Variants in CNTN6 observed in about 807,000 individuals in gnomAD.
The protein encoded by CNTN6 is contactin-6.
In CNTN6, 137 loss-of-function variants were observed where a neutral mutation model predicts 122.8. The ratio of observed to expected loss-of-function variants is 1.12; its 90% CI spans 0.97 to 1.29. The LOEUF (loss-of-function observed/expected upper bound fraction) is 1.29, where lower values mean the gene tolerates loss of function less well. Among genes scored for constraint, CNTN6 ranks in the 50% most tolerant of loss-of-function variants. CNTN6 has a pLI of 0.00. For missense variants in CNTN6, 1,634 were observed against 1,223.4 expected (o/e 1.34, Z -5.01); for synonymous variants, 570 against 426.0 (o/e 1.34, Z -4.16).
intron 2 of CNTN6, among the ~76,000 whole-genome samples, chr3:1,188,358 A>C (rs1193056104): frequency 6.6e-6 from 1 of 152,212 alleles, no homozygotes; most frequent in Non-Finnish European, 1.5e-5. Context: ...TATATTCAAA[A>C]ACATTGTACA....
At chr3:1,121,975 A>C (rs1448521623) in intron 1 of CNTN6, among the ~76,000 whole-genome samples, 2 of 151,956 alleles carry the variant, frequency 1.3e-5, no homozygotes, top group Non-Finnish European at 2.9e-5. Context: ...CAGCTATTTC[A>C]CTTTGGGCAG....
intron 1 of CNTN6, among the ~76,000 whole-genome samples, chr3:1,106,913 A>C (rs1031117755): frequency 5.3e-5 from 8 of 152,136 alleles, no homozygotes; most frequent in African/African-American, 1.7e-4. Context: ...GCGTTGAGTT[A>C]CTCAAATATT....
intron 2 of CNTN6, among the ~76,000 whole-genome samples, chr3:1,192,628 C>T (rs2125392011): frequency 6.6e-6 from 1 of 152,166 alleles, no homozygotes; most frequent in African/African-American, 2.4e-5. Flanking sequence ...ATTATTTATA[C>T]ATTGTCACAG....
At position 1,334,594 on chromosome 3, in the gene CNTN6, T is replaced by C. The variant is rs535298895; in HGVS notation, c.1364+4659T>C. On this transcript the variant is annotated intron_variant, in intron 11 of 22. Coordinates refer to ENST00000446702, the MANE Select transcript of CNTN6 (RefSeq NM_001289080.2). ...TATATGTTTTAATGATTTGCTTGGG[T>C]GACCAGGTGACTGAGCCAAACACGG... Among the ~76,000 whole-genome samples the C allele has an allele frequency of 3.9e-5, 6 of 152,168 alleles. No homozygotes were observed. The East Asian group carries it at 1.2e-3, about 29-fold the overall frequency.
In CNTN6 at chr3:1,187,428, T is replaced by A. The variant is rs181133689; in HGVS notation, c.56-33259T>A. ...TTTATTTGATCTTTTGTAGAAAACATAGCGTCTTTATGTACACAGTTATAG... is the reference window on the plus strand; with the variant it reads ...TTTATTTGATCTTTTGTAGAAAACAAAGCGTCTTTATGTACACAGTTATAG... On this transcript the variant is annotated intron_variant, in intron 2 of 22. Coordinates refer to ENST00000446702, the MANE Select transcript of CNTN6 (RefSeq NM_001289080.2). Among the ~76,000 whole-genome samples, 17 of 152,284 alleles carry A rather than the reference T, an allele frequency of 1.1e-4. No homozygotes were observed. The East Asian group carries it at 2.5e-3, about 22-fold the overall frequency.
At chr3:1,317,253 G>T (rs1298818098) in intron 7 of CNTN6, among the ~76,000 whole-genome samples, 3 of 151,392 alleles carry the variant, frequency 2.0e-5, no homozygotes, top group African/African-American at 7.3e-5. Flanking sequence ...CTTGCTGTGA[G>T]GATTCTAAAA....
intron 20 of CNTN6, among the ~76,000 whole-genome samples, chr3:1,389,064 G>C (rs376567571): frequency 1.4e-5 from 2 of 145,348 alleles, no homozygotes; most frequent in Admixed American, 6.9e-5. Context: ...TACAGAGAAC[G>C]CCACAAAGAT....
chr3:1,225,030 G>A lies in CNTN6; in HGVS notation c.183-2788G>A, dbSNP rs578255381. 6.3e-4 allele frequency among the ~76,000 whole-genome samples: 96 copies of A among 152,226 alleles called. 2 individuals carry two copies. Among genetic ancestry groups the A allele is most frequent in the South Asian group, 5.2e-3 (25 of 4,828 alleles). Reference sequence around the variant, plus strand: ...TCCAAAGTGCTGGGATTACAGGCGTGAACCACCGCACCTAGCCCAGCCATT... The same window carrying A: ...TCCAAAGTGCTGGGATTACAGGCGTAAACCACCGCACCTAGCCCAGCCATT... On this transcript the variant is annotated intron_variant, in intron 3 of 22. Coordinates refer to ENST00000446702, the MANE Select transcript of CNTN6 (RefSeq NM_001289080.2).
At chr3:1,113,354 G>A (rs1279095036) in intron 1 of CNTN6, among the ~76,000 whole-genome samples, 1 of 151,982 alleles carries the variant, frequency 6.6e-6, no homozygotes, top group Non-Finnish European at 1.5e-5. Context: ...ATAAATGAGA[G>A]GCATATGTAT....
At chr3:1,121,049 C>G (rs1036847139) in intron 1 of CNTN6, among the ~76,000 whole-genome samples, 3 of 152,012 alleles carry the variant, frequency 2.0e-5, no homozygotes, top group African/African-American at 7.2e-5. Context: ...ACACATACTA[C>G]ATAATGATCA....
intron 7 of CNTN6, among the ~76,000 whole-genome samples, chr3:1,314,316 C>T (rs1463765476): frequency 6.6e-6 from 1 of 152,060 alleles, no homozygotes; most frequent in African/African-American, 2.4e-5. Context: ...TTCTGCTTCA[C>T]TCTCTTTGAT....
At chr3:1,346,024 C>A (rs1259179003) in intron 11 of CNTN6, among the ~76,000 whole-genome samples, 8 of 151,036 alleles carry the variant, frequency 5.3e-5, no homozygotes, top group Non-Finnish European at 1.0e-4. Flanking sequence ...TATTTCTAAT[C>A]CTCTTTGTCC....
chr3:1,399,841 C>T (rs1695459709), intron 20 of CNTN6, among the ~76,000 whole-genome samples: 1 of 152,074 alleles, frequency 6.6e-6, no homozygotes, highest in Non-Finnish European at 1.5e-5. Context: ...TAAACAAACA[C>T]ATAACCAAGA....
chr3:1,391,612 A>G (rs1241137370), intron 20 of CNTN6, among the ~76,000 whole-genome samples: 3 of 151,216 alleles, frequency 2.0e-5, no homozygotes, highest in South Asian at 2.1e-4. Context: ...AGGAAGTCCA[A>G]TTGTCCCTGT....
intron 4 of CNTN6, among the ~76,000 whole-genome samples, chr3:1,243,207 G>A (rs2094511864): frequency 1.3e-5 from 2 of 152,156 alleles, no homozygotes; most frequent in South Asian, 4.1e-4. Context: ...ATGGGACGCG[G>A]CTTACGAGGA....
Position 1,314,408 on chromosome 3 carries a change from C to A in CNTN6, c.762-7242C>A, listed in dbSNP as rs150265520. ...ATACAAGCATCTTAAGAAACTCATTCTCTGTACCAGTCTTTAGTTAAAAAC... is the reference window on the plus strand; with the variant it reads ...ATACAAGCATCTTAAGAAACTCATTATCTGTACCAGTCTTTAGTTAAAAAC... On this transcript the variant is annotated intron_variant, in intron 7 of 22. Transcript: ENST00000446702. 3.7e-4 allele frequency among the ~76,000 whole-genome samples: 57 copies of A among 152,222 alleles called. No individual in the cohort carries two copies. In the East Asian group the frequency reaches 7.7e-3, roughly 21 times the overall value.
At chr3:1,095,223 A>G (rs2090460685) in intron 1 of CNTN6, among the ~76,000 whole-genome samples, 1 of 152,118 alleles carries the variant, frequency 6.6e-6, no homozygotes, top group African/African-American at 2.4e-5. Context: ...CTATAATCCC[A>G]GCACTTTGGG....
intron 11 of CNTN6, among the ~76,000 whole-genome samples, chr3:1,351,108 C>T (rs1364042256): frequency 3.3e-5 from 5 of 151,872 alleles, no homozygotes; most frequent in Non-Finnish European, 7.4e-5. Flanking sequence ...GCTCCTTCCA[C>T]TCACTGATAA....
intron 19 of CNTN6, among the ~76,000 whole-genome samples, chr3:1,385,366 G>C (rs960112734): frequency 6.6e-6 from 1 of 152,046 alleles, no homozygotes; most frequent in African/African-American, 2.4e-5. Flanking sequence ...CTTTATTTTG[G>C]TAATCTAAAA....
Sources: gnomAD v4.1 joint callset for allele counts (sites outside exome capture counted in the v4.1 genomes callset) on GRCh38, gnomAD v4.1.1 for gene constraint, MANE v1.5 for transcripts, NCBI Gene and HGNC (gene_info 2026-07-23, HGNC 2026-07-21) for gene names.